KIAA0232: variants seen among roughly 807,000 people sequenced by gnomAD.
The protein encoded by KIAA0232 is uncharacterized protein KIAA0232.
A neutral mutation model predicts 122.0 loss-of-function variants in KIAA0232; 27 were observed. The ratio of observed to expected loss-of-function variants is 0.22; its 90% CI spans 0.16 to 0.31. The LOEUF (loss-of-function observed/expected upper bound fraction) is 0.31. Ranked by LOEUF, KIAA0232 falls within the 10% of genes least tolerant of loss-of-function variation. The pLI is 1.00. For synonymous variants in KIAA0232, 613 were observed against 587.6 expected, an observed-to-expected ratio of 1.04 and a Z score of -0.63; for missense variants, 1,551 against 1,634.2, an observed-to-expected ratio of 0.95 and a Z score of 0.88.
At chr4:6,785,180 G>T (rs886721154) in intron 1 of KIAA0232, among the ~76,000 whole-genome samples, 11 of 152,018 alleles carry the variant, frequency 7.2e-5, no homozygotes, top group African/African-American at 2.7e-4. Context: ...CTCGTGATCC[G>T]CCTGCCTCAG....
intron 3 of KIAA0232, among the ~76,000 whole-genome samples, chr4:6,832,962 C>T (rs1192057415): frequency 1.3e-5 from 2 of 152,202 alleles, no homozygotes; most frequent in Admixed American, 1.3e-4. Context: ...TATTTGCCCA[C>T]AGGTTGTATA....
At chr4:6,874,724 A>G (rs1409241695) in intron 8 of KIAA0232, among the ~76,000 whole-genome samples, 2 of 152,122 alleles carry the variant, frequency 1.3e-5, no homozygotes, top group Admixed American at 1.3e-4. Context: ...GTGCCTCTGT[A>G]GTCTGTATGT....
chr4:6,837,155 G>T (rs1719345427), intron 3 of KIAA0232, among the ~76,000 whole-genome samples: 1 of 151,882 alleles, frequency 6.6e-6, no homozygotes, highest in African/African-American at 2.4e-5. Context: ...CTCCCGAACG[G>T]GCCGGCTGGC....
In KIAA0232 at chr4:6,863,204, A is replaced by G. The variant is rs377464822; in HGVS notation, c.2822A>G (p.Asn941Ser). The G allele has an allele frequency of 4.3e-6, 7 of 1,613,992 alleles. No homozygotes were observed. The East Asian group carries it at 6.7e-5, about 15-fold the overall frequency. The change falls in exon 7 of 10, where the codon AAT becomes AGT. Residue 941 changes from asparagine (N) to serine (S), a missense_variant. By Grantham distance (46) the Asn-to-Ser change is conservative. This residue lies in a region of KIAA0232 where 1,108 missense variants were observed against 1,154.8 expected (regional missense o/e 0.96). Coordinates refer to ENST00000307659, the MANE Select transcript of KIAA0232 (RefSeq NM_014743.3). Reference protein sequence around the residue: ...GGVYGELKTFNSDGEWAVVPP... With the variant: ...GGVYGELKTFSSDGEWAVVPP... ...GTTTATGGAGAACTCAAAACCTTCAATAGTGATGGGGAGTGGGCAGTCGTA... is the reference window on the plus strand; with the variant it reads ...GTTTATGGAGAACTCAAAACCTTCAGTAGTGATGGGGAGTGGGCAGTCGTA...
At chr4:6,849,662 C>G (rs1049905570) in intron 4 of KIAA0232, among the ~76,000 whole-genome samples, 1 of 151,926 alleles carries the variant, frequency 6.6e-6, no homozygotes, top group African/African-American at 2.4e-5. Context: ...GCCTGTAGTC[C>G]CAGCTACTCA....
In KIAA0232 at chr4:6,876,854, C is replaced by T. The variant is rs1270588420; in HGVS notation, c.4008+97C>T. 10 of 783,028 alleles carry T rather than the reference C, an allele frequency of 1.3e-5. No homozygotes were observed. In the East Asian group the frequency reaches 2.4e-4, roughly 19 times the overall value. 48.5% of individuals were successfully genotyped at this position (783,028 alleles called of 1,614,324 possible). A position where few individuals can be genotyped will look rare whatever the true frequency, so the allele number is the denominator to read the frequency against. ...AAACCTGGGAGTCATGTGAGTGGAC[C>T]CCACCTCTCCCAGGAACCAGCCAGG... On this transcript the variant is annotated intron_variant, in intron 9 of 9. Transcript: ENST00000307659.
At chr4:6,836,332 T>C (rs1029499306) in intron 3 of KIAA0232, among the ~76,000 whole-genome samples, 1 of 150,504 alleles carries the variant, frequency 6.6e-6, no homozygotes, top group Non-Finnish European at 1.5e-5. Context: ...TTGTTTTTTG[T>C]TTTGTTTTTT....
intron 3 of KIAA0232, among the ~76,000 whole-genome samples, chr4:6,836,005 A>C (rs1719246704): frequency 6.6e-6 from 1 of 152,244 alleles, no homozygotes; most frequent in South Asian, 2.1e-4. Flanking sequence ...TGCTGGGTCC[A>C]ATGGTATTTC....
intron 8 of KIAA0232, among the ~76,000 whole-genome samples, chr4:6,872,576 A>G (rs908048676): frequency 6.6e-6 from 1 of 152,224 alleles, no homozygotes; most frequent in African/African-American, 2.4e-5. Flanking sequence ...ATGCAACCAG[A>G]ATTGATTAGC....
chr4:6,823,285 T>C (rs927168356), intron 2 of KIAA0232, among the ~76,000 whole-genome samples: 10 of 152,118 alleles, frequency 6.6e-5, no homozygotes, highest in Non-Finnish European at 1.0e-4. Context: ...GTCCTTTGGG[T>C]ATATACCCAG....
chr4:6,822,781 A>G (rs62289442), intron 2 of KIAA0232, among the ~76,000 whole-genome samples: 4 of 149,524 alleles, frequency 2.7e-5, no homozygotes, highest in African/African-American at 4.9e-5. Flanking sequence ...TTTTTTTTTA[A>G]TTTATTATTA....
chr4:6,842,307 A>G (rs1719706412), intron 4 of KIAA0232, 103 bp downstream of exon 4: 2 of 1,151,448 alleles, frequency 1.7e-6, no homozygotes, highest in Admixed American at 2.6e-5. Flanking sequence ...AAAACAAAGT[A>G]CTTATTTATT....
intron 7 of KIAA0232, among the ~76,000 whole-genome samples, chr4:6,869,022 A>G (rs1158900689): frequency 1.3e-5 from 2 of 152,194 alleles, no homozygotes; most frequent in African/African-American, 4.8e-5. Context: ...GACACTGAGT[A>G]TCTGCTTTGT....
intron 2 of KIAA0232, among the ~76,000 whole-genome samples, chr4:6,822,810 G>A (rs1718484096): frequency 6.6e-6 from 1 of 150,510 alleles, no homozygotes; most frequent in African/African-American, 2.4e-5. Context: ...TAAGTTTTAG[G>A]GTACATGTGC....
intron 2 of KIAA0232, among the ~76,000 whole-genome samples, chr4:6,813,983 G>T (rs1717998313): frequency 6.6e-6 from 1 of 152,104 alleles, no homozygotes; most frequent in Non-Finnish European, 1.5e-5. Flanking sequence ...AGCCTGCATA[G>T]AGTTGTTCCA....
At chr4:6,875,118 C>A (rs1249634885) in intron 8 of KIAA0232, among the ~76,000 whole-genome samples, 1 of 152,190 alleles carries the variant, frequency 6.6e-6, no homozygotes, top group Non-Finnish European at 1.5e-5. Context: ...AGCCAGGGTT[C>A]CTCCCAGCCT....
chr4:6,845,482 C>T (rs1417012895), intron 4 of KIAA0232, among the ~76,000 whole-genome samples: 1 of 152,094 alleles, frequency 6.6e-6, no homozygotes, highest in African/African-American at 2.4e-5. Context: ...GCCTGAGTCA[C>T]CACGCCCAGC....
At chr4:6,832,580 C>G (rs1719053482) in intron 3 of KIAA0232, among the ~76,000 whole-genome samples, 1 of 152,154 alleles carries the variant, frequency 6.6e-6, no homozygotes, top group African/African-American at 2.4e-5. Context: ...AGCTCCTGAC[C>G]TCAAGTGATC....
At chr4:6,873,598 C>T (rs2108838235) in intron 8 of KIAA0232, among the ~76,000 whole-genome samples, 1 of 152,218 alleles carries the variant, frequency 6.6e-6, no homozygotes. Context: ...CCTTAGCACC[C>T]TTAGTCCAGT....
Sources: gnomAD v4.1 joint callset for allele counts (sites outside exome capture counted in the v4.1 genomes callset) on GRCh38, gnomAD v4.1.1 for gene constraint, gnomAD v4.1.1 regional missense constraint, MANE v1.5 for transcripts, NCBI Gene and HGNC (gene_info 2026-07-23, HGNC 2026-07-21) for gene names.